The following CYP2C18 variants were observed in gnomAD, a reference collection of about 807,000 sequenced individuals.
CYP2C18 encodes cytochrome P450 2C18.
A neutral mutation model predicts 41.3 loss-of-function variants in CYP2C18; 38 were observed. That is an observed-to-expected ratio of 0.92 (90% CI 0.71 to 1.21). The LOEUF is 1.21. CYP2C18 is among the 50% of genes most tolerant of loss of function. CYP2C18 has a pLI of 0.00. For missense variants in CYP2C18, 635 were observed against 591.4 expected (o/e 1.07, Z -0.77); for synonymous variants, 236 against 210.0 (o/e 1.12, Z -1.07).
chr10:94,717,306 G>C (rs1847567087), intron 5 of CYP2C18, among the ~76,000 whole-genome samples: 1 of 152,238 alleles, frequency 6.6e-6, no homozygotes, highest in Admixed American at 6.5e-5. Flanking sequence ...GCATGTTTTT[G>C]CAGTGGCTGG....
At chr10:94,703,999 T>C (rs1481875708) in intron 4 of CYP2C18, among the ~76,000 whole-genome samples, 2 of 152,198 alleles carry the variant, frequency 1.3e-5, no homozygotes, top group Admixed American at 1.3e-4. Flanking sequence ...CCCCAACCCG[T>C]TGTGCTTCCT....
chr10:94,724,455 A>G lies in CYP2C18; in HGVS notation c.1071A>G (p.Arg357=), dbSNP rs759947952. 2 of 1,613,594 alleles carry G rather than the reference A, an allele frequency of 1.2e-6. No individual in the cohort carries two copies. The highest frequency in any genetic ancestry group is 1.7e-6 in the Non-Finnish European group (2 of 1,179,722). ...ATGCTGTGGTGCACGAGATCCAGAGATACATTGACCTCCTCCCCACCAACC... is the reference window on the plus strand; with the variant it reads ...ATGCTGTGGTGCACGAGATCCAGAGGTACATTGACCTCCTCCCCACCAACC... The part of the protein sequence containing the change: ...YTDAVVHEIQ[R]YIDLLPTNLP... Residue 357 remains arginine (R), a synonymous_variant, in exon 7 of 9, where the codon AGA becomes AGG. Coordinates refer to ENST00000285979, the MANE Select transcript of CYP2C18 (RefSeq NM_000772.3).
intron 6 of CYP2C18, among the ~76,000 whole-genome samples, chr10:94,721,285 G>C (rs1176643703): frequency 6.6e-6 from 1 of 152,110 alleles, no homozygotes; most frequent in Non-Finnish European, 1.5e-5. Context: ...AAAGTTCTTG[G>C]ATTACAGGCA....
chr10:94,686,742 G>A (rs1324635874), intron 1 of CYP2C18, among the ~76,000 whole-genome samples: 1 of 152,132 alleles, frequency 6.6e-6, no homozygotes, highest in Non-Finnish European at 1.5e-5. Flanking sequence ...GTCAGAAATA[G>A]TGGAATAAAA....
intron 7 of CYP2C18, among the ~76,000 whole-genome samples, chr10:94,730,226 T>A (rs1393249744): frequency 6.6e-6 from 1 of 152,146 alleles, no homozygotes; most frequent in Non-Finnish European, 1.5e-5. Context: ...CCCATACTCA[T>A]AAATGAAAAT....
chr10:94,685,045 T>C (rs1846860334), intron 1 of CYP2C18, among the ~76,000 whole-genome samples: 2 of 151,856 alleles, frequency 1.3e-5, no homozygotes, highest in African/African-American at 4.8e-5. Context: ...AATTAATTAA[T>C]TAATTAATAG....
rs1401646493 is a variant in CYP2C18, at chr10:94,687,796, C to A, written c.195C>A (p.Phe65Leu). 6.2e-7 allele frequency: 1 copy of A among 1,613,502 alleles called. No homozygotes were observed. Residue 65 changes from phenylalanine (F) to leucine (L), a missense_variant, in exon 2 of 9, where the codon TTC becomes TTA. Coordinates refer to ENST00000285979, the MANE Select transcript of CYP2C18 (RefSeq NM_000772.3). Reference sequence around the variant, plus strand: ...TCTCAAAAGTCTATGGCCCTGTGTTCACTGTGTATTTTGGCCTGAAGCCCA... The same window carrying A: ...TCTCAAAAGTCTATGGCCCTGTGTTAACTGTGTATTTTGGCCTGAAGCCCA... ...TNFSKVYGPV[F>L]TVYFGLKPIV...
At chr10:94,718,695 C>T (rs1161502813) in intron 5 of CYP2C18, among the ~76,000 whole-genome samples, 3 of 152,060 alleles carry the variant, frequency 2.0e-5, no homozygotes, top group African/African-American at 7.2e-5. Flanking sequence ...GAGTTTCATC[C>T]CTTTCTCTGC....
chr10:94,724,343 C>T lies in CYP2C18; in HGVS notation c.962-3C>T. On this transcript the variant is annotated splice_region_variant and splice_polypyrimidine_tract_variant and intron_variant, in intron 6 of 8. Coordinates refer to ENST00000285979, the MANE Select transcript of CYP2C18 (RefSeq NM_000772.3). Reference sequence around the variant, plus strand: ...CCATCATTTCTTACTTGTGTCTTATCAGCTAAAGTCCAGGAAGAGATTGAA... The same window carrying T: ...CCATCATTTCTTACTTGTGTCTTATTAGCTAAAGTCCAGGAAGAGATTGAA... The T allele has an allele frequency of 1.2e-6, 2 of 1,612,966 alleles. No individual in the cohort carries two copies. The highest frequency in any genetic ancestry group is 1.7e-6 in the Non-Finnish European group (2 of 1,179,340).
chr10:94,693,279 T>C (rs896416870), intron 3 of CYP2C18, among the ~76,000 whole-genome samples: 3 of 152,164 alleles, frequency 2.0e-5, no homozygotes, highest in African/African-American at 7.2e-5. Flanking sequence ...GTCCTCATGA[T>C]AGCAAGTGAG....
chr10:94,735,114 T>C, intron 8 of CYP2C18, 149 bp from the exon 9 acceptor site: 1 of 765,518 alleles, frequency 1.3e-6, no homozygotes, highest in Non-Finnish European at 2.1e-6. Context: ...TTCATTTTTG[T>C]TTTTCTGTGT....
At chr10:94,692,735 G>A (rs1223248765) in intron 3 of CYP2C18, among the ~76,000 whole-genome samples, 8 of 152,054 alleles carry the variant, frequency 5.3e-5, no homozygotes, top group South Asian at 4.2e-4. Context: ...TGTTTATTGC[G>A]GCACTATTCA....
At chr10:94,700,707 T>C (rs1847221819) in intron 4 of CYP2C18, among the ~76,000 whole-genome samples, 1 of 151,854 alleles carries the variant, frequency 6.6e-6, no homozygotes, top group Non-Finnish European at 1.5e-5. Flanking sequence ...TGGGAGAAAA[T>C]TTTTGCAATC....
chr10:94,724,616 A>G, intron 7 of CYP2C18, 83 bp downstream of exon 7: 1 of 1,279,210 alleles, frequency 7.8e-7, no homozygotes, highest in Non-Finnish European at 1.1e-6. Context: ...CTAACAACAC[A>G]TGATGAGAGA....
chr10:94,735,550 G>A lies in CYP2C18; in HGVS notation c.*106G>A. ...CTGTGAGGGATATTTTCTCTGACTT[G>A]TCAATCCACATCTTCCCATTCCCTC... is the stretch of plus-strand genomic sequence containing the variant. On this transcript the variant is annotated 3_prime_UTR_variant, in exon 9 of 9. Coordinates refer to ENST00000285979, the MANE Select transcript of CYP2C18 (RefSeq NM_000772.3). 8.9e-7 allele frequency: 1 copy of A among 1,124,026 alleles called. No individual in the cohort carries two copies. Among genetic ancestry groups the A allele is most frequent in the Non-Finnish European group, 1.3e-6 (1 of 763,736 alleles). 69.6% of individuals were successfully genotyped at this position (1,124,026 alleles called of 1,614,324 possible).
rs768081030 is a variant in CYP2C18 at position 94,733,277 on chromosome 10, G to C, written c.1150-20G>C. 12 of 1,607,576 alleles carry C rather than the reference G, an allele frequency of 7.5e-6. No individual in the cohort carries two copies. Among genetic ancestry groups the C allele is most frequent in the Admixed American group, 3.4e-5 (2 of 59,440 alleles). ...CTTTGACTTCTTTATAACTTAGTTT[G>C]TCTGTTTTGCTATTTTCAGGGCACG... is the stretch of plus-strand genomic sequence containing the variant. On this transcript the variant is annotated intron_variant, in intron 7 of 8. Coordinates refer to ENST00000285979, the MANE Select transcript of CYP2C18 (RefSeq NM_000772.3).
At chr10:94,700,605 A>G (rs142480292) in intron 4 of CYP2C18, among the ~76,000 whole-genome samples, 3,339 of 152,322 alleles carry the variant, frequency 0.022, 118 homozygotes, top group African/African-American at 0.074. Flanking sequence ...AATGGCAACA[A>G]AAGCCAAATT....
chr10:94,694,628 T>G (rs1321533657), intron 3 of CYP2C18, among the ~76,000 whole-genome samples: 3 of 152,172 alleles, frequency 2.0e-5, no homozygotes, highest in Non-Finnish European at 4.4e-5. Flanking sequence ...ATTTTTTTTG[T>G]TTTCTCTTCA....
intron 5 of CYP2C18, among the ~76,000 whole-genome samples, chr10:94,717,229 G>C (rs761066612): frequency 2.6e-5 from 4 of 152,150 alleles, no homozygotes; most frequent in Non-Finnish European, 5.9e-5. Flanking sequence ...TCATTATGAT[G>C]TTAGCTGGTT....
Sources: gnomAD v4.1 joint callset for allele counts (sites outside exome capture counted in the v4.1 genomes callset) on GRCh38, gnomAD v4.1.1 for gene constraint, MANE v1.5 for transcripts, NCBI Gene and HGNC (gene_info 2026-07-23, HGNC 2026-07-21) for gene names.